The following LHFPL3 variants were observed in gnomAD, a reference collection of about 807,000 sequenced individuals.
LHFPL3 encodes the protein LHFPL tetraspan subfamily member 3, also known as LHFPL tetraspan subfamily member 3 protein.
LHFPL3 carries 5 observed loss-of-function variants against 19.3 expected under a neutral mutation model. That is an observed-to-expected ratio of 0.26 (90% CI 0.14 to 0.54). LHFPL3 has a LOEUF of 0.54. LHFPL3 is among the 20% of genes least tolerant of loss of function. The probability of loss-of-function intolerance (pLI) is 0.94; values close to 1 mark genes in which losing one functional copy is unlikely to be tolerated. For synonymous variants in LHFPL3, 133 were observed against 126.2 expected (o/e 1.05, Z -0.36); for missense variants, 249 against 307.4 (o/e 0.81, Z 1.42).
chr7:104,494,305 A>G (rs758274811), intron 1 of LHFPL3, among the ~76,000 whole-genome samples: 11 of 152,214 alleles, frequency 7.2e-5, no homozygotes, highest in Non-Finnish European at 1.5e-4. Flanking sequence ...TCTGGTGCCA[A>G]CCTATATTTT....
chr7:104,493,571 A>G (rs1184720816), intron 1 of LHFPL3, among the ~76,000 whole-genome samples: 2 of 152,070 alleles, frequency 1.3e-5, no homozygotes, highest in Non-Finnish European at 2.9e-5. Flanking sequence ...CTCTCCTGCT[A>G]TATTGCTGGG....
At chr7:104,561,947 A>G (rs1790013655) in intron 1 of LHFPL3, among the ~76,000 whole-genome samples, 1 of 151,970 alleles carries the variant, frequency 6.6e-6, no homozygotes, top group South Asian at 2.1e-4. Context: ...TAAGAAGCTT[A>G]GTTTGGCTGG....
At position 104,399,946 on chromosome 7, in the gene LHFPL3, A is replaced by G. The variant is rs948056483; in HGVS notation, c.445+70722A>G. ...TGGTTAAACCCTGTCTCTACTAAAA[A>G]TACAAAAATTAGCTGGGCATGGTGG... On this transcript the variant is annotated intron_variant, in intron 1 of 2. Transcript: ENST00000424859. The surrounding 1 kb of genome is among the most constrained non-coding windows in gnomAD (Gnocchi z 4.4). Among the ~76,000 whole-genome samples, 8 of 151,442 alleles carry G rather than the reference A, an allele frequency of 5.3e-5. No individual in the cohort carries two copies. The highest frequency in any genetic ancestry group is 1.2e-4 in the African/African-American group (5 of 41,384).
intron 2 of LHFPL3, among the ~76,000 whole-genome samples, chr7:104,767,178 T>A (rs944451076): frequency 5.3e-5 from 8 of 152,242 alleles, no homozygotes; most frequent in African/African-American, 1.9e-4. Flanking sequence ...TGTAGTCTGC[T>A]AGGTTAGTGC....
intron 2 of LHFPL3, among the ~76,000 whole-genome samples, chr7:104,900,490 T>A (rs568650980): frequency 1.3e-4 from 20 of 152,320 alleles, no homozygotes; most frequent in South Asian, 2.1e-4. Flanking sequence ...TTCTGCCCCT[T>A]CTCACCGAAG....
At chr7:104,454,554 T>C (rs1410638383) in intron 1 of LHFPL3, among the ~76,000 whole-genome samples, 1 of 152,186 alleles carries the variant, frequency 6.6e-6, no homozygotes, top group Non-Finnish European at 1.5e-5. Context: ...AGGCCCAGGT[T>C]CTAATTTCAG....
intron 1 of LHFPL3, among the ~76,000 whole-genome samples, chr7:104,456,974 T>C (rs979778010): frequency 1.3e-5 from 2 of 152,168 alleles, no homozygotes; most frequent in African/African-American, 4.8e-5. Context: ...AACAAAATTA[T>C]GGGTAAGGGG....
At chr7:104,724,506 CAG>C (rs1023669704) in intron 1 of LHFPL3, among the ~76,000 whole-genome samples, 1 of 151,950 alleles carries the variant, frequency 6.6e-6, no homozygotes, top group Non-Finnish European at 1.5e-5. Flanking sequence ...ATTTTCAAAA[CAG>C]AGAAATTAGA....
At chr7:104,504,974 T>G (rs570215635) in intron 1 of LHFPL3, among the ~76,000 whole-genome samples, 1 of 151,834 alleles carries the variant, frequency 6.6e-6, no homozygotes, top group Non-Finnish European at 1.5e-5. Context: ...ACACTGCTTG[T>G]GTATACATAT....
intron 1 of LHFPL3, among the ~76,000 whole-genome samples, chr7:104,530,596 T>A (rs1794277409): frequency 6.6e-6 from 1 of 152,224 alleles, no homozygotes; most frequent in South Asian, 2.1e-4. Flanking sequence ...CTCATAACTA[T>A]TCATTCATTT....
chr7:104,777,189 T>A (rs1401462774), intron 2 of LHFPL3, among the ~76,000 whole-genome samples: 1 of 152,218 alleles, frequency 6.6e-6, no homozygotes, highest in Non-Finnish European at 1.5e-5. Flanking sequence ...CTTGTCTTCA[T>A]TTTCTGCCTT....
At chr7:104,600,785 G>A (rs1370161428) in intron 1 of LHFPL3, among the ~76,000 whole-genome samples, 1 of 152,136 alleles carries the variant, frequency 6.6e-6, no homozygotes, top group Non-Finnish European at 1.5e-5. Flanking sequence ...CTGTGATTTG[G>A]AGTCACGATT....
At chr7:104,761,445 C>T (rs184266259) in intron 2 of LHFPL3, among the ~76,000 whole-genome samples, 1 of 152,142 alleles carries the variant, frequency 6.6e-6, no homozygotes, top group East Asian at 1.9e-4. Context: ...GGAGGAAAAG[C>T]CACCAGTTCA....
chr7:104,748,401 A>G (rs1055077456), intron 2 of LHFPL3, among the ~76,000 whole-genome samples: 3 of 131,304 alleles, frequency 2.3e-5, no homozygotes, highest in Admixed American at 8.2e-5. Flanking sequence ...AGTTGAGACA[A>G]GAGGAAGGCA....
chr7:104,416,861 T>G (rs1235927908), intron 1 of LHFPL3, among the ~76,000 whole-genome samples: 2 of 152,198 alleles, frequency 1.3e-5, no homozygotes, highest in Non-Finnish European at 2.9e-5. Flanking sequence ...CATATGGGCC[T>G]TCTTGCTGCA....
chr7:104,626,595 G>A (rs1267207649), intron 1 of LHFPL3, among the ~76,000 whole-genome samples: 1 of 152,128 alleles, frequency 6.6e-6, no homozygotes, highest in Non-Finnish European at 1.5e-5. Flanking sequence ...ACTTAGTTGG[G>A]AACATCCAGA....
At chr7:104,341,087 C>T (rs1282423147) in intron 1 of LHFPL3, among the ~76,000 whole-genome samples, 2 of 152,140 alleles carry the variant, frequency 1.3e-5, no homozygotes, top group Non-Finnish European at 2.9e-5. Context: ...TCTCTAATAA[C>T]ATCAGGAACA....
intron 1 of LHFPL3, among the ~76,000 whole-genome samples, chr7:104,354,842 C>T (rs764708080): frequency 3.9e-5 from 6 of 152,006 alleles, no homozygotes; most frequent in Non-Finnish European, 7.4e-5. Flanking sequence ...AAATCAATTT[C>T]AATAATATAT....
intron 1 of LHFPL3, among the ~76,000 whole-genome samples, chr7:104,359,414 G>A (rs2116405833): frequency 6.6e-6 from 1 of 152,214 alleles, no homozygotes; most frequent in Non-Finnish European, 1.5e-5. Context: ...GCTGATTTGG[G>A]TCACTGAAAG....
Sources: allele counts gnomAD v4.1 joint callset (sites outside exome capture counted in the v4.1 genomes callset), GRCh38; gene constraint gnomAD v4.1.1; non-coding constraint Gnocchi (gnomAD v3.1); transcripts MANE v1.5; gene names NCBI Gene and HGNC (gene_info 2026-07-23, HGNC 2026-07-21).